The following MTHFD2L variants were observed in gnomAD, a reference collection of about 807,000 sequenced individuals.
MTHFD2L encodes methylenetetrahydrofolate dehydrogenase (NADP+ dependent) 2 like, also known as bifunctional methylenetetrahydrofolate dehydrogenase/cyclohydrolase 2, mitochondrial.
In MTHFD2L, 29 loss-of-function variants were observed where a neutral mutation model predicts 34.9. The ratio of observed to expected loss-of-function variants is 0.83; its 90% CI spans 0.62 to 1.13. The LOEUF is 1.13. Ranked by LOEUF, MTHFD2L falls within the 50% of genes most tolerant of loss-of-function variation. The pLI, the probability that MTHFD2L is intolerant of heterozygous loss-of-function variation, is 0.00. For synonymous variants in MTHFD2L, 167 were observed against 155.7 expected, an observed-to-expected ratio of 1.07 and a Z score of -0.54; for missense variants, 481 against 446.5, an observed-to-expected ratio of 1.08 and a Z score of -0.70.
intron 3 of MTHFD2L, among the ~76,000 whole-genome samples, chr4:74,176,955 G>T (rs141217339): frequency 3.9e-4 from 59 of 151,986 alleles, no homozygotes; most frequent in African/African-American, 1.3e-3. Flanking sequence ...CTTAGCATAT[G>T]TTATAGCTTT....
At chr4:74,280,756 G>A (rs1303342586) in intron 6 of MTHFD2L, among the ~76,000 whole-genome samples, 3 of 151,778 alleles carry the variant, frequency 2.0e-5, no homozygotes, top group Non-Finnish European at 1.5e-5. Context: ...TGTTGCATAA[G>A]ACCAATAGTG....
chr4:74,126,593 G>A (rs894650616), intron 1 of MTHFD2L, among the ~76,000 whole-genome samples: 9 of 152,040 alleles, frequency 5.9e-5, no homozygotes, highest in African/African-American at 2.2e-4. Context: ...GTAAGAAGAG[G>A]TGGATAGTGC....
chr4:74,266,602 C>T (rs1045215360), intron 6 of MTHFD2L, among the ~76,000 whole-genome samples: 1 of 152,170 alleles, frequency 6.6e-6, no homozygotes, highest in Non-Finnish European at 1.5e-5. Flanking sequence ...CCCTGGGAAC[C>T]TCTGAAGTCT....
At chr4:74,126,379 A>T (rs547650468) in intron 1 of MTHFD2L, among the ~76,000 whole-genome samples, 1 of 152,210 alleles carries the variant, frequency 6.6e-6, no homozygotes, top group African/African-American at 2.4e-5. Context: ...ATAATTACTC[A>T]ATTTTTGGTG....
intron 5 of MTHFD2L, among the ~76,000 whole-genome samples, chr4:74,209,290 C>T (rs979311143): frequency 1.3e-5 from 2 of 152,092 alleles, no homozygotes; most frequent in Non-Finnish European, 2.9e-5. Context: ...TTTGCTGCAC[C>T]CATCAACCTG....
intron 4 of MTHFD2L, 82 bp downstream of exon 4, chr4:74,200,028 C>G: frequency 7.8e-7 from 1 of 1,288,960 alleles, no homozygotes; most frequent in Non-Finnish European, 1.1e-6. Flanking sequence ...GGGACTACCT[C>G]AGTCCTATAG....
intron 6 of MTHFD2L, among the ~76,000 whole-genome samples, chr4:74,245,183 A>C (rs1256728552): frequency 1.8e-5 from 2 of 112,042 alleles, no homozygotes. Flanking sequence ...CAACAGAGTG[A>C]GACTCAGTCT....
intron 6 of MTHFD2L, among the ~76,000 whole-genome samples, chr4:74,232,757 T>A (rs1393747042): frequency 6.6e-6 from 1 of 152,236 alleles, no homozygotes; most frequent in Admixed American, 6.5e-5. Flanking sequence ...ACAATTCTTT[T>A]GCCTTGTATA....
intron 6 of MTHFD2L, among the ~76,000 whole-genome samples, chr4:74,227,071 A>G (rs533980363): frequency 6.8e-4 from 103 of 152,238 alleles, no homozygotes; most frequent in African/African-American, 2.3e-3. Flanking sequence ...GAGGCTGACT[A>G]ATGAAGATGG....
chr4:74,160,199 ATCTTT>A (rs767880760), intron 1 of MTHFD2L: 48 of 856,720 alleles, frequency 5.6e-5, no homozygotes, highest in Non-Finnish European at 6.4e-5. Flanking sequence ...TAAGTCTGAC[ATCTTT>A]TCTTTTGCCA....
At chr4:74,172,232 G>A (rs966318098) in intron 1 of MTHFD2L, among the ~76,000 whole-genome samples, 3 of 152,106 alleles carry the variant, frequency 2.0e-5, no homozygotes, top group African/African-American at 7.2e-5. Context: ...GGAAAGTTTT[G>A]GGAATGATAG....
chr4:74,268,246 A>G (rs1745552746), intron 6 of MTHFD2L: 1 of 983,362 alleles, frequency 1.0e-6, no homozygotes, highest in Admixed American at 6.3e-5. Flanking sequence ...TACTGTCTGC[A>G]AAGCAAATAA....
intron 6 of MTHFD2L, among the ~76,000 whole-genome samples, chr4:74,271,043 C>T (rs74568538): frequency 0.35 from 53,385 of 151,838 alleles, 11,399 homozygotes; most frequent in African/African-American, 0.61. Context: ...GTAAATTTGT[C>T]TGAGTTATTT....
intron 6 of MTHFD2L, among the ~76,000 whole-genome samples, chr4:74,271,015 GTTGT>G (rs1422060126): frequency 2.6e-5 from 4 of 152,052 alleles, no homozygotes; most frequent in African/African-American, 9.7e-5. Flanking sequence ...TGTTGATGGG[GTTGT>G]TTGTTTTTTT....
chr4:74,252,252 G>T (rs1487537101), intron 6 of MTHFD2L, among the ~76,000 whole-genome samples: 1 of 152,134 alleles, frequency 6.6e-6, no homozygotes, highest in Non-Finnish European at 1.5e-5. Flanking sequence ...ACTGGCAGCC[G>T]TGACTGCAAG....
intron 1 of MTHFD2L, among the ~76,000 whole-genome samples, chr4:74,151,846 G>T (rs967675602): frequency 6.6e-6 from 1 of 151,960 alleles, no homozygotes; most frequent in Non-Finnish European, 1.5e-5. Flanking sequence ...TCCTTCATAG[G>T]TTTTCCAAAT....
intron 3 of MTHFD2L, among the ~76,000 whole-genome samples, chr4:74,177,999 C>G (rs890411023): frequency 2.0e-5 from 3 of 151,698 alleles, no homozygotes; most frequent in African/African-American, 7.3e-5. Context: ...GAGCTAGGCA[C>G]AAAAAGAAAA....
At chr4:74,240,438 C>T (rs1741533102) in intron 6 of MTHFD2L, among the ~76,000 whole-genome samples, 1 of 152,034 alleles carries the variant, frequency 6.6e-6, no homozygotes, top group Non-Finnish European at 1.5e-5. Flanking sequence ...AAAGTGGAAA[C>T]ACTCTAAACA....
intron 1 of MTHFD2L, among the ~76,000 whole-genome samples, chr4:74,158,932 C>G (rs746644327): frequency 4.6e-5 from 7 of 152,106 alleles, no homozygotes; most frequent in African/African-American, 7.2e-5. Flanking sequence ...TTGCAAAATC[C>G]GTCTTAACAA....
Sources: allele counts gnomAD v4.1 joint callset (sites outside exome capture counted in the v4.1 genomes callset), GRCh38; gene constraint gnomAD v4.1.1; transcripts MANE v1.5; gene names NCBI Gene and HGNC (gene_info 2026-07-23, HGNC 2026-07-21).